Variants in EXOC4 observed in about 807,000 individuals in gnomAD.
The protein encoded by EXOC4 is SEC8-like 1.
In EXOC4, 71 loss-of-function variants were observed where a neutral mutation model predicts 107.2. The ratio of observed to expected loss-of-function variants is 0.66; its 90% CI spans 0.55 to 0.81. The LOEUF is 0.81. Ranked by LOEUF, EXOC4 falls within the 30% of genes least tolerant of loss-of-function variation. EXOC4 has a pLI of 0.00. For missense variants in EXOC4, 1,108 were observed against 1,189.6 expected (o/e 0.93, Z 1.01); for synonymous variants, 456 against 441.2 (o/e 1.03, Z -0.42).
intron 10 of EXOC4, among the ~76,000 whole-genome samples, chr7:133,793,409 C>T (rs944918708): frequency 6.6e-6 from 1 of 151,980 alleles, no homozygotes; most frequent in African/African-American, 2.4e-5. Flanking sequence ...GTTCACAGAC[C>T]CCACGGTGAG....
intron 7 of EXOC4, among the ~76,000 whole-genome samples, chr7:133,406,121 T>C (rs1797211028): frequency 6.6e-6 from 1 of 152,206 alleles, no homozygotes; most frequent in African/African-American, 2.4e-5. Context: ...CTTTTGTGCG[T>C]CTTATTGCCT....
intron 10 of EXOC4, among the ~76,000 whole-genome samples, chr7:133,641,937 G>T (rs968168895): frequency 2.0e-5 from 3 of 152,082 alleles, no homozygotes; most frequent in African/African-American, 7.2e-5. Context: ...TTGATACGAG[G>T]ATTTCACTGA....
chr7:133,557,017 G>A (rs1005156057), intron 9 of EXOC4, among the ~76,000 whole-genome samples: 1 of 152,140 alleles, frequency 6.6e-6, no homozygotes, highest in Non-Finnish European at 1.5e-5. Flanking sequence ...CAGATAGAGG[G>A]TGGACCACCT....
intron 12 of EXOC4, among the ~76,000 whole-genome samples, chr7:133,905,744 T>A (rs1170859726): frequency 6.6e-6 from 1 of 151,932 alleles, no homozygotes; most frequent in African/African-American, 2.4e-5. Context: ...TTGGTTTGAG[T>A]TGATTTAAGA....
At chr7:133,309,183 T>C (rs1317865553) in intron 4 of EXOC4, among the ~76,000 whole-genome samples, 1 of 152,188 alleles carries the variant, frequency 6.6e-6, no homozygotes, top group Non-Finnish European at 1.5e-5. Flanking sequence ...GGTGCCTCTT[T>C]AATGTGAGAG....
chr7:133,767,400 T>C (rs1796160934), intron 10 of EXOC4, among the ~76,000 whole-genome samples: 1 of 151,830 alleles, frequency 6.6e-6, no homozygotes, highest in Non-Finnish European at 1.5e-5. Context: ...GTAAAGCATC[T>C]AATTCATAGT....
chr7:134,055,077 A>G (rs1795890759), intron 17 of EXOC4, among the ~76,000 whole-genome samples: 2 of 152,206 alleles, frequency 1.3e-5, no homozygotes, highest in South Asian at 2.1e-4. Flanking sequence ...GCTGATTTAC[A>G]TATGTTTACG....
chr7:133,750,586 C>CT (rs60903415), intron 10 of EXOC4, among the ~76,000 whole-genome samples: 143,725 of 145,006 alleles, frequency 0.99, 71,223 homozygotes, highest in South Asian at 1. Context: ...TGTTTTTAAC[C>CT]TTTTTTTTTT....
chr7:133,436,190 C>G (rs1325029600), intron 7 of EXOC4, among the ~76,000 whole-genome samples: 1 of 151,954 alleles, frequency 6.6e-6, no homozygotes, highest in African/African-American at 2.4e-5. Context: ...TGAACTGTAT[C>G]AAACCCAGAG....
At chr7:133,857,533 C>T (rs1251268459) in intron 11 of EXOC4, among the ~76,000 whole-genome samples, 3 of 148,850 alleles carry the variant, frequency 2.0e-5, no homozygotes, top group African/African-American at 7.4e-5. Flanking sequence ...TGCTGCTCGG[C>T]TCATGCTACA....
intron 14 of EXOC4, among the ~76,000 whole-genome samples, chr7:133,973,852 G>A (rs2116886629): frequency 6.6e-6 from 1 of 152,328 alleles, no homozygotes; most frequent in Middle Eastern, 3.4e-3. Context: ...TTATAGTTCT[G>A]GAGGATGGGA....
chr7:133,924,170 T>C (rs975817213), intron 13 of EXOC4, among the ~76,000 whole-genome samples: 7 of 152,248 alleles, frequency 4.6e-5, no homozygotes, highest in African/African-American at 1.7e-4. Flanking sequence ...TGGGTGAACA[T>C]GTCCCCACTC....
At chr7:134,058,213 C>T (rs1795975004) in intron 17 of EXOC4, among the ~76,000 whole-genome samples, 1 of 152,190 alleles carries the variant, frequency 6.6e-6, no homozygotes, top group African/African-American at 2.4e-5. Flanking sequence ...TTGGGAGCTA[C>T]AGTCAATACT....
At position 133,459,282 on chromosome 7, in the gene EXOC4, A is replaced by G. The variant is rs148416854; in HGVS notation, c.1183-16046A>G. Among the ~76,000 whole-genome samples, 1,140 of 152,302 alleles carry G rather than the reference A, an allele frequency of 7.5e-3. 5 individuals carry two copies. The highest frequency in any genetic ancestry group is 0.011 in the Non-Finnish European group (781 of 68,032). On this transcript the variant is annotated intron_variant, in intron 7 of 17. Transcript: ENST00000253861. Reference sequence around the variant, plus strand: ...ATTAGGTAGAGCTGTGGTGGTTTTCATAAGTACCGAGTTAGGCACAGTTCC... The same window carrying G: ...ATTAGGTAGAGCTGTGGTGGTTTTCGTAAGTACCGAGTTAGGCACAGTTCC...
Position 133,895,672 on chromosome 7 carries a change from A to G in EXOC4, c.1808A>G (p.Gln603Arg), listed in dbSNP as rs761399155. The G allele has an allele frequency of 6.2e-7, 1 of 1,614,134 alleles. No homozygotes were observed. Among genetic ancestry groups the G allele is most frequent in the East Asian group, 2.2e-5 (1 of 44,882 alleles). ...CATGACTTGAGTGCATATTCAGATC[A>G]ATTCCTCAACATGGTGTGCGTGAAG... is the stretch of plus-strand genomic sequence containing the variant. ...LMHDLSAYSD[Q>R]FLNMVCVKLQ... Residue 603 changes from glutamine (Q) to arginine (R), a missense_variant, in exon 12 of 18, where the codon CAA becomes CGA. Transcript: ENST00000253861.
chr7:133,928,027 A>G (rs1005533903), intron 13 of EXOC4, among the ~76,000 whole-genome samples: 2 of 152,238 alleles, frequency 1.3e-5, no homozygotes, highest in Admixed American at 6.5e-5. Flanking sequence ...TATTTGGACA[A>G]TTATTTGAGA....
At chr7:133,648,283 A>G (rs1053696060) in intron 10 of EXOC4, among the ~76,000 whole-genome samples, 2 of 152,168 alleles carry the variant, frequency 1.3e-5, no homozygotes, top group African/African-American at 4.8e-5. Context: ...CTGAAGTGAA[A>G]AGAAAACTTT....
chr7:134,057,201 G>A (rs190465642), intron 17 of EXOC4, among the ~76,000 whole-genome samples: 4 of 152,182 alleles, frequency 2.6e-5, no homozygotes, highest in Admixed American at 1.3e-4. Flanking sequence ...AAAGAAGACC[G>A]AGCAAGCCTT....
intron 9 of EXOC4, among the ~76,000 whole-genome samples, chr7:133,518,376 T>G (rs780934815): frequency 6.6e-6 from 1 of 151,652 alleles, no homozygotes; most frequent in Non-Finnish European, 1.5e-5. Context: ...TTTTTTTCAT[T>G]CTCCTAAGGT....
Sources: gnomAD v4.1 joint callset for allele counts (sites outside exome capture counted in the v4.1 genomes callset) on GRCh38, gnomAD v4.1.1 for gene constraint, MANE v1.5 for transcripts, NCBI Gene and HGNC (gene_info 2026-07-23, HGNC 2026-07-21) for gene names.